Variants in FCRL2 observed in about 807,000 individuals in gnomAD.
The protein encoded by FCRL2 is Fc receptor-like protein 2.
Under a neutral mutation model 59.8 loss-of-function variants are expected in FCRL2, and 48 were observed. That is an observed-to-expected ratio of 0.80 (90% CI 0.64 to 1.02). The LOEUF is 1.02. FCRL2 is among the 50% of genes least tolerant of loss of function. The probability of loss-of-function intolerance (pLI) is 0.00; values close to 1 mark genes in which losing one functional copy is unlikely to be tolerated. For missense variants in FCRL2, 658 were observed against 597.3 expected (o/e 1.10, Z -1.06); for synonymous variants, 251 against 229.5 (o/e 1.09, Z -0.85).
intron 7 of FCRL2, among the ~76,000 whole-genome samples, chr1:157,763,135 A>G (rs967949757): frequency 2.0e-5 from 3 of 152,262 alleles, no homozygotes; most frequent in East Asian, 1.9e-4. Flanking sequence ...AACAAGGAAT[A>G]CACAAAACAA....
intron 7 of FCRL2, among the ~76,000 whole-genome samples, chr1:157,756,874 C>T (rs1415095848): frequency 6.6e-6 from 1 of 152,110 alleles, no homozygotes; most frequent in African/African-American, 2.4e-5. Flanking sequence ...TCTAGCAATT[C>T]CACAACGTAT....
Position 157,777,064 on chromosome 1 carries a change from A to G in FCRL2, c.10T>C (p.Trp4Arg). 1 of 1,614,200 alleles carries G rather than the reference A, an allele frequency of 6.2e-7. No homozygotes were observed. Among genetic ancestry groups the G allele is most frequent in the Non-Finnish European group, 8.5e-7 (1 of 1,180,016 alleles). Residue 4 changes from tryptophan to arginine, a missense_variant, in exon 1 of 12, where the codon TGG (tryptophan) becomes CGG (arginine). By Grantham distance (101) the Trp-to-Arg change is moderately radical. Coordinates refer to ENST00000361516, the MANE Select transcript of FCRL2 (RefSeq NM_030764.4). ...TCACCAAAGATGACCAGCAATGACCACAGCAGCATGAGGACCTAATCCAGC... is the reference window on the plus strand; with the variant it reads ...TCACCAAAGATGACCAGCAATGACCGCAGCAGCATGAGGACCTAATCCAGC... The part of the protein sequence containing the change: MLL[W>R]SLLVIFDAVT...
rs533243236 is a variant in FCRL2, at chr1:157,771,231, G to A, written c.53-565C>T. 2.6e-5 allele frequency among the ~76,000 whole-genome samples: 4 copies of A among 152,268 alleles called. No individual in the cohort carries two copies. The East Asian group carries it at 7.7e-4, about 29-fold the overall frequency. ...GTAAACATGGTTTTTTAATGTTCATGAAGGAGTGTTCTGATAAACACCTCA... is the reference window on the plus strand; with the variant it reads ...GTAAACATGGTTTTTTAATGTTCATAAAGGAGTGTTCTGATAAACACCTCA... On this transcript the variant is annotated intron_variant, in intron 2 of 11. Coordinates refer to ENST00000361516, the MANE Select transcript of FCRL2 (RefSeq NM_030764.4).
chr1:157,748,984 A>T, intron 8 of FCRL2, 24 bp from the exon 9 acceptor site: 2 of 1,597,402 alleles, frequency 1.3e-6, no homozygotes, highest in Non-Finnish European at 8.6e-7. Flanking sequence ...AATTAATTGT[A>T]TGATAATCCC....
At chr1:157,751,861 C>T (rs1648214018) in intron 7 of FCRL2, among the ~76,000 whole-genome samples, 1 of 151,806 alleles carries the variant, frequency 6.6e-6, no homozygotes, top group Non-Finnish European at 1.5e-5. Context: ...AATCCAGAAA[C>T]ACACCCCCAA....
Position 157,746,535 on chromosome 1 carries a change from C to T in FCRL2, c.*201G>A. On this transcript the variant is annotated 3_prime_UTR_variant, in exon 12 of 12. Transcript: ENST00000361516. ...TTATTTGCACAGTGTCTGGATGTAG[C>T]AGCAGTTCAATGAATATTGATAGGT... The T allele has an allele frequency of 1.7e-6, 1 of 598,098 alleles. No homozygotes were observed. The highest frequency in any genetic ancestry group is 2.1e-5 in the South Asian group (1 of 48,646). 37.0% of individuals were successfully genotyped at this position (598,098 alleles called of 1,614,324 possible). A position where few individuals can be genotyped will look rare whatever the true frequency, so the allele number is the denominator to read the frequency against.
At position 157,770,529 on chromosome 1, in the gene FCRL2, A is replaced by G. The variant is rs1264780046; in HGVS notation, c.190T>C (p.Phe64Leu). Residue 64 changes from phenylalanine (F) to leucine (L), a missense_variant, in exon 3 of 12, where the codon TTC becomes CTC. Transcript: ENST00000361516. ...DNKELSVFKKFSDFLIQSAVL... is the reference protein window; with the variant it reads ...DNKELSVFKKLSDFLIQSAVL... ...GCACTTTGGATAAGGAAATCTGAGA[A>G]TTTTTTGAAAACAGATAACTCTTTG... 6 of 1,614,100 alleles carry G rather than the reference A, an allele frequency of 3.7e-6. No homozygotes were observed. In the Admixed American group the frequency reaches 5.0e-5, roughly 13 times the overall value.
rs533416602 is a variant in FCRL2, at chr1:157,749,744, A to T, written c.1280-67T>A. 72 of 1,276,548 alleles carry T rather than the reference A, an allele frequency of 5.6e-5. No individual in the cohort carries two copies. In the East Asian group the frequency reaches 1.5e-3, roughly 26 times the overall value. 79.1% of individuals were successfully genotyped at this position (1,276,548 alleles called of 1,614,324 possible). ...CTTTATCTCTTAAAATTTTGACATG[A>T]TTTAACTACGTATAATCAGCTGGTA... On this transcript the variant is annotated intron_variant, in intron 7 of 11. Transcript: ENST00000361516.
chr1:157,767,246 G>T lies in FCRL2; in HGVS notation c.1147C>A (p.Pro383Thr), dbSNP rs760369933. The T allele has an allele frequency of 6.2e-7, 1 of 1,613,138 alleles. No individual in the cohort carries two copies. The highest frequency in any genetic ancestry group is 8.5e-7 in the Non-Finnish European group (1 of 1,179,490). ...ACCCACCCACCTGAGATGGAGACTG[G>T]CACTGCCTCACTGCACTGGGCCCCC... ...GLGAQCSEAV[P>T]VSISGPDGYR... Residue 383 changes from proline (P) to threonine (T), a missense_variant, in exon 6 of 12, where the codon CCA becomes ACA. Transcript: ENST00000361516.
At chr1:157,770,305 C>A in intron 3 of FCRL2, 104 bp downstream of exon 3, 1 of 1,464,416 alleles carries the variant, frequency 6.8e-7, no homozygotes, top group South Asian at 1.3e-5. Flanking sequence ...ACAAGCACTC[C>A]CGTCTATATT....
chr1:157,746,570 T>C lies in FCRL2; in HGVS notation c.*166A>G. 4.8e-6 allele frequency: 3 copies of C among 626,528 alleles called. No individual in the cohort carries two copies. Among genetic ancestry groups the C allele is most frequent in the Non-Finnish European group, 8.6e-6 (3 of 350,670 alleles). The allele number at this position is 626,528 out of a possible 1,614,324, so 38.8% of individuals were successfully genotyped here. ...ATGAATATTGATAGGTAAAAGAAGA[T>C]ATTGGAGAAGAAACATCATCAGGAC... On this transcript the variant is annotated 3_prime_UTR_variant, in exon 12 of 12. Transcript: ENST00000361516.
At chr1:157,762,395 C>T (rs1406081594) in intron 7 of FCRL2, among the ~76,000 whole-genome samples, 1 of 152,212 alleles carries the variant, frequency 6.6e-6, no homozygotes, top group Non-Finnish European at 1.5e-5. Context: ...CCAGCATAGC[C>T]ACTTCGGGTA....
At chr1:157,753,998 T>C (rs576257119) in intron 7 of FCRL2, among the ~76,000 whole-genome samples, 2 of 152,214 alleles carry the variant, frequency 1.3e-5, no homozygotes, top group South Asian at 2.1e-4. Flanking sequence ...ATAAATCACA[T>C]AGAAATAATG....
Position 157,748,965 on chromosome 1 carries a change from G to A in FCRL2, c.1308-5C>T. ...GGATTTGGCCTGGAAGCCCCTCTGT[G>A]AGAAAGTGAATTAATTGTATGATAA... On this transcript the variant is annotated splice_polypyrimidine_tract_variant and splice_region_variant and intron_variant, in intron 8 of 11. Coordinates refer to ENST00000361516, the MANE Select transcript of FCRL2 (RefSeq NM_030764.4). 6.2e-7 allele frequency: 1 copy of A among 1,612,512 alleles called. No individual in the cohort carries two copies. Among genetic ancestry groups the A allele is most frequent in the Non-Finnish European group, 8.5e-7 (1 of 1,178,656 alleles).
At chr1:157,766,674 T>C in intron 7 of FCRL2, 181 bp downstream of exon 7, 9 of 868,296 alleles carry the variant, frequency 1.0e-5, no homozygotes, top group Non-Finnish European at 1.4e-5. Context: ...TGACATATTG[T>C]ATAATTAGCA....
At chr1:157,769,196 T>C (rs1233990616) in intron 4 of FCRL2, 2 of 155,904 alleles carry the variant, frequency 1.3e-5, no homozygotes, top group African/African-American at 2.4e-5. Context: ...TCAATTTGTG[T>C]TGCAATCTCA....
intron 4 of FCRL2, chr1:157,769,495 T>G (rs1250807569): frequency 4.3e-5 from 8 of 186,694 alleles, no homozygotes; most frequent in Non-Finnish European, 6.9e-5. Context: ...TGGCGTGATC[T>G]CGGCTCACTG....
At chr1:157,753,719 G>A (rs1648372958) in intron 7 of FCRL2, among the ~76,000 whole-genome samples, 1 of 152,170 alleles carries the variant, frequency 6.6e-6, no homozygotes, top group Non-Finnish European at 1.5e-5. Context: ...CAGAGGTCCA[G>A]GGGTGAGGCT....
chr1:157,766,855 C>T lies in FCRL2; in HGVS notation c.1279G>A (p.Gly427Arg), dbSNP rs1019788204. The T allele has an allele frequency of 1.2e-6, 2 of 1,613,952 alleles. No homozygotes were observed. Among genetic ancestry groups the T allele is most frequent in the East Asian group, 4.5e-5 (2 of 44,888 alleles). ...GGAGAATCCAAATGGTAGATACAAC[C>T]TGATATCTTGTGGAACAAGGCATAC... ...LLYALFHKIS[G>R]ESSATNEPRG... Residue 427 changes from glycine to arginine, a missense_variant and splice_region_variant, in exon 7 of 12, where the codon GGA becomes AGA. Physicochemically the swap from Gly to Arg is moderately radical, Grantham distance 125. Transcript: ENST00000361516.
Sources: allele counts gnomAD v4.1 joint callset (sites outside exome capture counted in the v4.1 genomes callset), GRCh38; gene constraint gnomAD v4.1.1; transcripts MANE v1.5; gene names NCBI Gene and HGNC (gene_info 2026-07-23, HGNC 2026-07-21).